Variants in C5 observed in about 807,000 individuals in gnomAD.
C5 encodes C3 and PZP-like alpha-2-macroglobulin domain-containing protein 4.
In C5, 140 loss-of-function variants were observed where a neutral mutation model predicts 218.8. The ratio of observed to expected loss-of-function variants is 0.64; its 90% CI spans 0.56 to 0.74. C5 has a LOEUF of 0.74. C5 is among the 30% of genes least tolerant of loss of function. The pLI is 0.00. For missense variants in C5, 1,700 were observed against 1,969.6 expected, an observed-to-expected ratio of 0.86 and a Z score of 2.59; for synonymous variants, 614 against 682.3, an observed-to-expected ratio of 0.90 and a Z score of 1.56.
chr9:120,958,661 A>T lies in C5; in HGVS notation c.4679-1293T>A, dbSNP rs576412082. Among the ~76,000 whole-genome samples, 6 of 152,320 alleles carry T rather than the reference A, an allele frequency of 3.9e-5. No individual in the cohort carries two copies. The East Asian group carries it at 1.2e-3, about 29-fold the overall frequency. On this transcript the variant is annotated intron_variant, in intron 38 of 40. Transcript: ENST00000223642. ...TGTTGCCTGAATTACTATTAAGAGA[A>T]TTCAGTAGACTTCGATGGAAAAAAT... is the stretch of plus-strand genomic sequence containing the variant.
At position 121,030,498 on chromosome 9, in the gene C5, A is replaced by T. The variant is rs924232762; in HGVS notation, c.668-11T>A. On this transcript the variant is annotated splice_polypyrimidine_tract_variant and intron_variant, in intron 6 of 40. Coordinates refer to ENST00000223642, the MANE Select transcript of C5 (RefSeq NM_001735.3). The stretch of plus-strand genomic sequence containing the variant: ...AAAAATGTGGCAAGACTGAAAATAA[A>T]AACAAACAGGTAATATTACCATTTT... 36 of 1,479,266 alleles carry T rather than the reference A, an allele frequency of 2.4e-5. No homozygotes were observed. In the African/African-American group the frequency reaches 5.0e-4, roughly 21 times the overall value. The allele number at this position is 1,479,266 out of a possible 1,614,324, so 91.6% of individuals were successfully genotyped here.
intron 17 of C5, among the ~76,000 whole-genome samples, chr9:121,011,406 C>T (rs1357446882): frequency 6.6e-6 from 1 of 152,094 alleles, no homozygotes; most frequent in African/African-American, 2.4e-5. Context: ...CAGAGAAATG[C>T]AATCAAAGCT....
rs1457852736 is a variant in C5 at position 121,031,304 on chromosome 9, T to C, written c.667+809A>G. The stretch of plus-strand genomic sequence containing the variant: ...TAATTTATTTCAAAATAAGAATATC[T>C]TAAATATTCAAATGAATATATTAGG... On this transcript the variant is annotated intron_variant, in intron 6 of 40. Transcript: ENST00000223642. Among the ~76,000 whole-genome samples the C allele has an allele frequency of 6.6e-5, 10 of 152,174 alleles. No homozygotes were observed. In the East Asian group the frequency reaches 1.9e-3, roughly 29 times the overall value.
At chr9:121,028,646 A>G (rs2047446567) in intron 7 of C5, among the ~76,000 whole-genome samples, 1 of 152,162 alleles carries the variant, frequency 6.6e-6, no homozygotes, top group African/African-American at 2.4e-5. Flanking sequence ...CTGAACAATG[A>G]AAACACTTGG....
intron 17 of C5, among the ~76,000 whole-genome samples, 164 bp downstream of exon 17, chr9:121,013,709 C>A (rs183150720): frequency 6.6e-6 from 1 of 151,526 alleles, no homozygotes; most frequent in Non-Finnish European, 1.5e-5. Context: ...TGTACCTCTT[C>A]GGATGCCCAA....
At chr9:120,979,389 A>G (rs2046975406) in intron 28 of C5, among the ~76,000 whole-genome samples, 1 of 152,116 alleles carries the variant, frequency 6.6e-6, no homozygotes, top group Admixed American at 6.5e-5. Flanking sequence ...ATTTTTCTTC[A>G]TATCAGCCAT....
At chr9:121,059,649 C>G in the C5 span, among the ~76,000 whole-genome samples, 115 of 152,224 alleles carry the variant, frequency 7.6e-4, no homozygotes, top group Non-Finnish European at 1.4e-3. The surrounding 1 kb of genome is among the most constrained non-coding windows in gnomAD (Gnocchi z 4.1). Context: ...CTGTATCACA[C>G]CGATTCATCT....
At position 120,953,836 on chromosome 9, in the gene C5, T is replaced by C. The variant is rs779483908; in HGVS notation, c.4795A>G (p.Thr1599Ala). ...EAVAEKDSEI[T>A]FIKKVTCTNA... ...GTACAGGTTACCTTTTTAATGAAGG[T>C]AATCTCAGAGTCTTTCTCAGCAACA... is the stretch of plus-strand genomic sequence containing the variant. Residue 1599 changes from threonine (T) to alanine (A), a missense_variant, in exon 40 of 41, where the codon ACC (threonine) becomes GCC (alanine). Transcript: ENST00000223642. 25 of 1,613,980 alleles carry C rather than the reference T, an allele frequency of 1.5e-5. No homozygotes were observed. The Middle Eastern group carries it at 4.9e-4, about 32-fold the overall frequency.
At chr9:121,037,532 C>T (rs1333159331) in intron 4 of C5, among the ~76,000 whole-genome samples, 3 of 151,986 alleles carry the variant, frequency 2.0e-5, no homozygotes, top group African/African-American at 7.2e-5. Flanking sequence ...AGGTTAGTCT[C>T]GATCTCCTGA....
chr9:121,018,883 T>C (rs563122746), intron 12 of C5, among the ~76,000 whole-genome samples: 2 of 152,152 alleles, frequency 1.3e-5, no homozygotes. Context: ...TCACAATACA[T>C]CAATAAGAGG....
chr9:121,035,546 G>A (rs540483864), intron 4 of C5, among the ~76,000 whole-genome samples: 3 of 152,168 alleles, frequency 2.0e-5, no homozygotes, highest in East Asian at 1.9e-4. Context: ...AACATAGCAG[G>A]CAACATAAGT....
the C5 span, among the ~76,000 whole-genome samples, chr9:121,072,812 T>TAAAAAAAAAAAAAAAAAAA: frequency 2.0e-5 from 2 of 98,604 alleles, no homozygotes; most frequent in African/African-American, 3.5e-5. Context: ...TTCAAAAAAT[T>TAAAAAAAAAAAAAAAAAAA]AAAAAAAAAA....
At chr9:121,007,151 T>G (rs566975388) in intron 18 of C5, among the ~76,000 whole-genome samples, 174 bp from the exon 19 acceptor site, 2 of 152,312 alleles carry the variant, frequency 1.3e-5, no homozygotes, top group Admixed American at 6.5e-5. Flanking sequence ...ATTCAGTAAC[T>G]CTCTTATATA....
In C5 at chr9:120,963,625, A is replaced by G; in HGVS notation, c.4323+11T>C. 2 of 1,582,966 alleles carry G rather than the reference A, an allele frequency of 1.3e-6. No homozygotes were observed. The highest frequency in any genetic ancestry group is 1.7e-6 in the Non-Finnish European group (2 of 1,151,810). On this transcript the variant is annotated intron_variant, in intron 34 of 40. Transcript: ENST00000223642. The stretch of plus-strand genomic sequence containing the variant: ...AAGCATTCACAACACGATTTAAAAG[A>G]AAACACATACGGCTTTTAAGTCTTC...
At chr9:121,019,281 A>G (rs544067735) in intron 12 of C5, among the ~76,000 whole-genome samples, 1 of 152,176 alleles carries the variant, frequency 6.6e-6, no homozygotes, top group Non-Finnish European at 1.5e-5. Flanking sequence ...TATGGTCCTC[A>G]TTACTGTTTT....
At chr9:121,073,401 CTT>C in the C5 span, among the ~76,000 whole-genome samples, 3 of 151,846 alleles carry the variant, frequency 2.0e-5, no homozygotes, top group Non-Finnish European at 4.4e-5. Flanking sequence ...TCTGGGTAAC[CTT>C]TGTCTAATAA....
At chr9:120,993,384 T>C (rs1026535184) in intron 22 of C5, among the ~76,000 whole-genome samples, 20 of 152,096 alleles carry the variant, frequency 1.3e-4, no homozygotes, top group Non-Finnish European at 2.6e-4. Flanking sequence ...AAATTCTATG[T>C]AAGAAAAATG....
At chr9:120,989,390 T>A (rs1189281208) in intron 24 of C5, among the ~76,000 whole-genome samples, 178 bp downstream of exon 24, 1 of 152,212 alleles carries the variant, frequency 6.6e-6, no homozygotes, top group East Asian at 1.9e-4. Flanking sequence ...GGCATTTTGG[T>A]AAGTTGAGCC....
intron 25 of C5, among the ~76,000 whole-genome samples, chr9:120,985,102 T>A (rs1337036599): frequency 6.6e-6 from 1 of 152,054 alleles, no homozygotes; most frequent in Non-Finnish European, 1.5e-5. Context: ...GGAGTGAGAG[T>A]CTAGACAGCA....
Sources: allele counts gnomAD v4.1 joint callset (sites outside exome capture counted in the v4.1 genomes callset), GRCh38; gene constraint gnomAD v4.1.1; non-coding constraint Gnocchi (gnomAD v3.1); transcripts MANE v1.5; gene names NCBI Gene and HGNC (gene_info 2026-07-23, HGNC 2026-07-21).